Variants in PKD1 observed in about 807,000 individuals in gnomAD.
The protein encoded by PKD1 is polycystin-1.
A neutral mutation model predicts 361.7 loss-of-function variants in PKD1; 81 were observed. That is an observed-to-expected ratio of 0.22 (90% CI 0.19 to 0.27). The LOEUF (loss-of-function observed/expected upper bound fraction) is 0.27, where lower values mean the gene tolerates loss of function less well. PKD1 is among the 10% of genes least tolerant of loss of function. The pLI, the probability that PKD1 is intolerant of heterozygous loss-of-function variation, is 1.00. For missense variants in PKD1, 6,399 were observed against 6,118.3 expected, an observed-to-expected ratio of 1.05 and a Z score of -1.53; for synonymous variants, 3,615 against 2,818.3, an observed-to-expected ratio of 1.28 and a Z score of -8.95.
Position 2,111,507 on chromosome 16 carries a change from G to C in PKD1, c.3660C>G (p.Ser1220Arg). Residue 1220 changes from serine to arginine, a missense_variant, in exon 15 of 46, where the codon AGC (serine) becomes AGG (arginine). Coordinates refer to ENST00000262304, the MANE Select transcript of PKD1 (RefSeq NM_001009944.3). ...CGGGGGCGCCCTGCTCCACGGCCAGGCTCATGTCCACGCTGAGTCCGCGGA... is the reference window on the plus strand; with the variant it reads ...CGGGGGCGCCCTGCTCCACGGCCAGCCTCATGTCCACGCTGAGTCCGCGGA... ...EELRGLSVDM[S>R]LAVEQGAPVV... 6.2e-7 allele frequency: 1 copy of C among 1,610,482 alleles called. No homozygotes were observed. The highest frequency in any genetic ancestry group is 8.5e-7 in the Non-Finnish European group (1 of 1,179,100).
At chr16:2,119,897 G>C (rs1162533640) in intron 1 of PKD1, 8 of 700,356 alleles carry the variant, frequency 1.1e-5, no homozygotes, top group African/African-American at 5.2e-5. Flanking sequence ...GCGCCACCTC[G>C]AGGCATAAAC....
In PKD1 at chr16:2,103,451, T is replaced by C; in HGVS notation, c.8606A>G (p.Glu2869Gly). 6.3e-7 allele frequency: 1 copy of C among 1,599,626 alleles called. No homozygotes were observed. Among genetic ancestry groups the C allele is most frequent in the Non-Finnish European group, 8.5e-7 (1 of 1,179,578 alleles). The change falls in exon 23 of 46, where the codon GAG (glutamate) becomes GGG (glycine). Residue 2869 changes from glutamate (E) to glycine (G), a missense_variant. Glu to Gly is a moderately conservative substitution (Grantham distance 98). Transcript: ENST00000262304. ...AQIPIERLASERAITVKVPNN... is the reference protein window; with the variant it reads ...AQIPIERLASGRAITVKVPNN... ...GGGCACCTTCACGGTGATGGCGCGC[T>C]CTGAGGCCAGCCGCTCGATGGGGAT...
At position 2,091,300 on chromosome 16, in the gene PKD1, G is replaced by A. The variant is rs1187313625; in HGVS notation, c.11712+123C>T. Reference sequence around the variant, plus strand: ...ACGCTGCCGGGGCGGGGCCCTGCGAGGGGGCGGGACGCTGCGAGGGGGCGG... The same window carrying A: ...ACGCTGCCGGGGCGGGGCCCTGCGAAGGGGCGGGACGCTGCGAGGGGGCGG... On this transcript the variant is annotated intron_variant, in intron 42 of 45. Coordinates refer to ENST00000262304, the MANE Select transcript of PKD1 (RefSeq NM_001009944.3). 7 of 417,572 alleles carry A rather than the reference G, an allele frequency of 1.7e-5. 1 individual carries two copies. Among genetic ancestry groups the A allele is most frequent in the African/African-American group, 9.7e-5 (4 of 41,210 alleles). 25.9% of individuals were successfully genotyped at this position (417,572 alleles called of 1,614,324 possible). A position where few individuals can be genotyped will look rare whatever the true frequency, so the allele number is the denominator to read the frequency against.
chr16:2,110,913 G>A lies in PKD1; in HGVS notation c.4254C>T (p.Thr1418=), dbSNP rs534285695. The A allele has an allele frequency of 4.7e-5, 76 of 1,611,322 alleles. No homozygotes were observed. In the Admixed American group the frequency reaches 6.3e-4, roughly 13 times the overall value. Residue 1418 remains threonine, a synonymous_variant, in exon 15 of 46, where the codon ACC becomes ACT. Coordinates refer to ENST00000262304, the MANE Select transcript of PKD1 (RefSeq NM_001009944.3). ...TGGCACGGGTGGGGGCGGCTTCCTC[G>A]GTGCCAAAGTCCCAGGTGTAGCGGT... ...FPYRYTWDFG[T]EEAAPTRARG...
rs575064371 is a variant in PKD1, at chr16:2,109,860, A to C, written c.5307T>G (p.His1769Gln). ...AGTGCAGGCCGGGTGTGGGGAAGCT[A>C]TGGGTGGTAAATGGCTCGGAGGTCT... ...SWETSEPFTT[H>Q]SFPTPGLHLV... Residue 1769 changes from histidine (H) to glutamine (Q), a missense_variant, in exon 15 of 46, where the codon CAT (histidine) becomes CAG (glutamine). Coordinates refer to ENST00000262304, the MANE Select transcript of PKD1 (RefSeq NM_001009944.3). 13 of 1,610,426 alleles carry C rather than the reference A, an allele frequency of 8.1e-6. No individual in the cohort carries two copies. The highest frequency in any genetic ancestry group is 5.0e-5 in the Admixed American group (3 of 59,978).
intron 41 of PKD1, 41 bp from the exon 42 acceptor site, chr16:2,091,638 C>G: frequency 6.4e-7 from 1 of 1,556,278 alleles, no homozygotes; most frequent in South Asian, 1.2e-5. Flanking sequence ...GGTGGCAGGG[C>G]GGGAGCTGCG....
chr16:2,111,660 G>C lies in PKD1; in HGVS notation c.3507C>G (p.Val1169=), dbSNP rs1289387938. ...YTWDFGDGSP[V]LTQSQPAANH... ...TGGCAGCCGGCTGGCTCTGGGTCAG[G>C]ACAGGGGAGCCGTCCCCGAAGTCCC... Residue 1169 remains valine, a synonymous_variant, in exon 15 of 46, where the codon GTC becomes GTG. Transcript: ENST00000262304. The C allele has an allele frequency of 6.4e-7, 1 of 1,574,304 alleles. No individual in the cohort carries two copies. Among genetic ancestry groups the C allele is most frequent in the African/African-American group, 1.3e-5 (1 of 74,240 alleles).
intron 1 of PKD1, among the ~76,000 whole-genome samples, chr16:2,134,675 A>C (rs2092929130): frequency 6.7e-6 from 1 of 150,206 alleles, no homozygotes; most frequent in South Asian, 2.1e-4. Flanking sequence ...GTGAAATGCA[A>C]ATCTCCACGG....
chr16:2,135,845 G>A lies in PKD1; in HGVS notation c.-156C>T, dbSNP rs1251113300. 6 of 267,096 alleles carry A rather than the reference G, an allele frequency of 2.2e-5. No homozygotes were observed. Among genetic ancestry groups the A allele is most frequent in the Admixed American group, 6.6e-5 (1 of 15,104 alleles). 16.5% of individuals were successfully genotyped at this position (267,096 alleles called of 1,614,324 possible). A position where few individuals can be genotyped will look rare whatever the true frequency, so the allele number is the denominator to read the frequency against. On this transcript the variant is annotated 5_prime_UTR_variant, in exon 1 of 46. Coordinates refer to ENST00000262304, the MANE Select transcript of PKD1 (RefSeq NM_001009944.3). ...TGAGCGACGCCCGCTCGGGGCTCGGGGCCAGGCCGCTCCGGGAGCTCGGCC... is the reference window on the plus strand; with the variant it reads ...TGAGCGACGCCCGCTCGGGGCTCGGAGCCAGGCCGCTCCGGGAGCTCGGCC...
intron 43 of PKD1, 30 bp downstream of exon 43, chr16:2,090,854 C>T (rs762865802): frequency 1.9e-6 from 3 of 1,608,820 alleles, no homozygotes; most frequent in South Asian, 2.2e-5. Flanking sequence ...GGTGTGCGCC[C>T]AGCCCCGCGC....
chr16:2,091,750 C>T (rs752399775), intron 41 of PKD1, 31 bp downstream of exon 41: 19 of 1,607,588 alleles, frequency 1.2e-5, no homozygotes, highest in Non-Finnish European at 1.4e-5. Flanking sequence ...ACTGCGGCCA[C>T]CCCGGAGAGG....
At chr16:2,133,589 C>T (rs370584270) in intron 1 of PKD1, among the ~76,000 whole-genome samples, 1 of 152,016 alleles carries the variant, frequency 6.6e-6, no homozygotes, top group Non-Finnish European at 1.5e-5. Context: ...GGCTGCCCCA[C>T]AGCACAGAGG....
Position 2,090,504 on chromosome 16 carries a change from A to G in PKD1, c.12225T>C (p.Cys4075=). 1 of 1,611,554 alleles carries G rather than the reference A, an allele frequency of 6.2e-7. No individual in the cohort carries two copies. The highest frequency in any genetic ancestry group is 8.5e-7 in the Non-Finnish European group (1 of 1,179,562). Residue 4075 remains cysteine (C), a synonymous_variant, in exon 45 of 46, where the codon TGT becomes TGC. Coordinates refer to ENST00000262304, the MANE Select transcript of PKD1 (RefSeq NM_001009944.3). ...GTGACAGGTGCCAGGACTCGGCAGG[A>G]CACAGGGTAGAGAGCCCAGTCCCAG... ...LCPGTGLSTL[C]PAESWHLSPL... is the part of the protein sequence containing the mutation.
intron 41 of PKD1, 55 bp downstream of exon 41, chr16:2,091,726 G>A: frequency 6.3e-7 from 1 of 1,597,276 alleles, no homozygotes; most frequent in Non-Finnish European, 8.5e-7. Flanking sequence ...GTGAGGGTGG[G>A]CTCCTGGCTG....
At position 2,097,124 on chromosome 16, in the gene PKD1, C is replaced by A. The variant is rs577700319; in HGVS notation, c.10499+24G>T. 36 of 1,534,934 alleles carry A rather than the reference C, an allele frequency of 2.3e-5. 1 individual carries two copies. The South Asian group carries it at 4.1e-4, about 17-fold the overall frequency. On this transcript the variant is annotated intron_variant, in intron 34 of 45. Transcript: ENST00000262304. ...CCGGCCCCTCCTCTGGCAATCCCCC[C>A]TCCCCCGAGAGCCGGACACTCACAG...
intron 42 of PKD1, 44 bp from the exon 43 acceptor site, chr16:2,091,218 G>A (rs752913465): frequency 4.5e-6 from 5 of 1,118,042 alleles, no homozygotes; most frequent in South Asian, 4.1e-5. Context: ...CGCTGCCGGG[G>A]CGGGGCCCTG....
At chr16:2,128,803 C>T (rs551449392) in intron 1 of PKD1, among the ~76,000 whole-genome samples, 1 of 152,216 alleles carries the variant, frequency 6.6e-6, no homozygotes, top group East Asian at 1.9e-4. Flanking sequence ...CTCCCAGGTT[C>T]AAGCGATTCT....
rs1322874650 is a variant in PKD1, at chr16:2,099,745, G to A, written c.9949C>T (p.Pro3317Ser). 6.4e-7 allele frequency: 1 copy of A among 1,558,204 alleles called. No homozygotes were observed. Among genetic ancestry groups the A allele is most frequent in the Non-Finnish European group, 8.7e-7 (1 of 1,152,002 alleles). ...ACAGCGACTGTGTCGACGCTCAGCGGGCTCAGCCTGGACACATGCCCCGTG... is the reference window on the plus strand; with the variant it reads ...ACAGCGACTGTGTCGACGCTCAGCGAGCTCAGCCTGGACACATGCCCCGTG... ...YSTGHVSRLS[P>S]LSVDTVAVGL... Residue 3317 changes from proline (P) to serine (S), a missense_variant, in exon 30 of 46, where the codon CCG (proline) becomes TCG (serine). Pro to Ser is a moderately conservative substitution (Grantham distance 74). Coordinates refer to ENST00000262304, the MANE Select transcript of PKD1 (RefSeq NM_001009944.3).
chr16:2,127,294 C>T (rs2092811420), intron 1 of PKD1, among the ~76,000 whole-genome samples: 1 of 152,216 alleles, frequency 6.6e-6, no homozygotes, highest in East Asian at 1.9e-4. Context: ...GCCAACACTT[C>T]CCAGCCCCGC....
Sources: allele counts gnomAD v4.1 joint callset (sites outside exome capture counted in the v4.1 genomes callset), GRCh38; gene constraint gnomAD v4.1.1; transcripts MANE v1.5; gene names NCBI Gene and HGNC (gene_info 2026-07-23, HGNC 2026-07-21).